Variants in LRRTM4 observed in about 807,000 individuals in gnomAD.
The protein encoded by LRRTM4 is leucine-rich repeat transmembrane neuronal protein 4.
Under a neutral mutation model 47.6 loss-of-function variants are expected in LRRTM4, and 25 were observed. That is an observed-to-expected ratio of 0.53 (90% CI 0.38 to 0.73). The LOEUF (loss-of-function observed/expected upper bound fraction) is 0.73, where lower values mean the gene tolerates loss of function less well. Ranked by LOEUF, LRRTM4 falls within the 30% of genes least tolerant of loss-of-function variation. The pLI, the probability that LRRTM4 is intolerant of heterozygous loss-of-function variation, is 0.00. For synonymous variants in LRRTM4, 311 were observed against 269.5 expected (o/e 1.15, Z -1.51); for missense variants, 638 against 713.4 (o/e 0.89, Z 1.20).
chr2:77,350,459 T>C (rs1671726617), intron 3 of LRRTM4, among the ~76,000 whole-genome samples: 1 of 151,866 alleles, frequency 6.6e-6, no homozygotes, highest in Admixed American at 6.6e-5. Flanking sequence ...TTTCTAAAAT[T>C]TCTTCTAGAA....
intron 3 of LRRTM4, among the ~76,000 whole-genome samples, chr2:76,794,370 T>A (rs1558657244): frequency 6.6e-6 from 1 of 152,178 alleles, no homozygotes; most frequent in South Asian, 2.1e-4. Flanking sequence ...AAACAAAGGA[T>A]TGGGTATACC....
intron 3 of LRRTM4, among the ~76,000 whole-genome samples, chr2:76,842,370 A>C (rs1668356496): frequency 6.6e-6 from 1 of 152,210 alleles, no homozygotes; most frequent in Admixed American, 6.5e-5. Flanking sequence ...CATGTAAGTC[A>C]ATAGCTTATA....
At chr2:76,936,149 T>A (rs1674937928) in intron 3 of LRRTM4, among the ~76,000 whole-genome samples, 1 of 152,192 alleles carries the variant, frequency 6.6e-6, no homozygotes, top group Admixed American at 6.5e-5. Context: ...GTATGTTTAT[T>A]GTGGCACTGT....
chr2:77,202,659 G>A (rs753428822), intron 3 of LRRTM4, among the ~76,000 whole-genome samples: 3 of 151,616 alleles, frequency 2.0e-5, no homozygotes, highest in Non-Finnish European at 4.4e-5. Context: ...AACTCACTGT[G>A]CTATACTAGA....
chr2:76,823,908 T>C (rs1161145266), intron 3 of LRRTM4, among the ~76,000 whole-genome samples: 1 of 151,570 alleles, frequency 6.6e-6, no homozygotes, highest in East Asian at 1.9e-4. Flanking sequence ...TAATACATGA[T>C]GCATGTCTTG....
intron 3 of LRRTM4, among the ~76,000 whole-genome samples, chr2:76,944,130 T>G (rs1675246513): frequency 6.6e-6 from 1 of 152,276 alleles, no homozygotes; most frequent in South Asian, 2.1e-4. Context: ...CTCACATCTC[T>G]TCTTACTCTA....
chr2:76,995,917 T>C (rs1306263594), intron 3 of LRRTM4, among the ~76,000 whole-genome samples: 1 of 152,064 alleles, frequency 6.6e-6, no homozygotes, highest in Non-Finnish European at 1.5e-5. Flanking sequence ...AAAAAACTAG[T>C]AACTTAAGAA....
chr2:77,171,187 C>T (rs982266596), intron 3 of LRRTM4, among the ~76,000 whole-genome samples: 10 of 152,006 alleles, frequency 6.6e-5, no homozygotes, highest in Non-Finnish European at 7.4e-5. Flanking sequence ...TGGAAAGCAA[C>T]GAGATTTAGC....
chr2:76,786,003 T>C (rs1674651491), intron 3 of LRRTM4, among the ~76,000 whole-genome samples: 1 of 152,152 alleles, frequency 6.6e-6, no homozygotes, highest in African/African-American at 2.4e-5. Context: ...AACTCAATGA[T>C]ACCTAGCTGC....
At chr2:77,442,418 AAAG>A (rs1489195035) in intron 3 of LRRTM4, among the ~76,000 whole-genome samples, 14 of 152,174 alleles carry the variant, frequency 9.2e-5, no homozygotes, top group African/African-American at 2.4e-4. Flanking sequence ...ATTTAGATAA[AAAG>A]AAGAATACAT....
chr2:77,257,339 GA>G (rs367643977), intron 3 of LRRTM4, among the ~76,000 whole-genome samples: 342 of 151,372 alleles, frequency 2.3e-3, no homozygotes, highest in African/African-American at 8.0e-3. Flanking sequence ...ATAAATACAT[GA>G]TTTCAAAAAG....
intron 3 of LRRTM4, among the ~76,000 whole-genome samples, chr2:77,291,850 C>G (rs1676832220): frequency 6.6e-6 from 1 of 152,150 alleles, no homozygotes; most frequent in Non-Finnish European, 1.5e-5. Context: ...AAACTGGGAT[C>G]TAATTAAACT....
intron 3 of LRRTM4, among the ~76,000 whole-genome samples, chr2:77,299,885 G>T (rs185864822): frequency 1.6e-5 from 2 of 128,568 alleles, no homozygotes; most frequent in African/African-American, 3.0e-5. Flanking sequence ...ACGGGGTCTC[G>T]TTCTTTGCCA....
At position 76,908,709 on chromosome 2, in the gene LRRTM4, A is replaced by C. The variant is rs577026714; in HGVS notation, c.1552-159793T>G. On this transcript the variant is annotated intron_variant, in intron 3 of 3. Coordinates refer to ENST00000409884, the MANE Select transcript of LRRTM4 (RefSeq NM_001134745.3). ...TCTTATACACCAATAAGAGACAAAC[A>C]GAGAGCCAAATCATGAGTGAACTCC... Among the ~76,000 whole-genome samples the C allele has an allele frequency of 3.0e-4, 46 of 152,284 alleles. No individual in the cohort carries two copies. The South Asian group carries it at 9.1e-3, about 30-fold the overall frequency.
intron 3 of LRRTM4, among the ~76,000 whole-genome samples, chr2:76,851,778 C>CTTTTT (rs1672005068): frequency 1.1e-5 from 1 of 87,348 alleles, no homozygotes. Flanking sequence ...TTTTTTTTGA[C>CTTTTT]ATTCTCTTTA....
intron 3 of LRRTM4, among the ~76,000 whole-genome samples, chr2:76,854,103 C>T (rs923418630): frequency 1.1e-4 from 17 of 152,148 alleles, no homozygotes; most frequent in East Asian, 7.7e-4. Flanking sequence ...TTCCTGGCAA[C>T]GAATTCTTGA....
chr2:77,324,496 C>T (rs1035047378), intron 3 of LRRTM4, among the ~76,000 whole-genome samples: 16 of 151,924 alleles, frequency 1.1e-4, no homozygotes, highest in African/African-American at 2.2e-4. Flanking sequence ...TTCCCCTAAA[C>T]GCTTTTCTAG....
intron 3 of LRRTM4, among the ~76,000 whole-genome samples, chr2:77,186,221 C>G (rs191456363): frequency 6.6e-6 from 1 of 152,308 alleles, no homozygotes; most frequent in East Asian, 1.9e-4. Flanking sequence ...ATGTCCACAT[C>G]CAATCTTTCT....
chr2:76,807,382 T>TTATA (rs72365054), intron 3 of LRRTM4, among the ~76,000 whole-genome samples: 10,501 of 126,666 alleles, frequency 0.083, 846 homozygotes, highest in Middle Eastern at 0.18. Context: ...AACATTCATT[T>TTATA]TATATATATA....
Sources: allele counts gnomAD v4.1 joint callset (sites outside exome capture counted in the v4.1 genomes callset), GRCh38; gene constraint gnomAD v4.1.1; transcripts MANE v1.5; gene names NCBI Gene and HGNC (gene_info 2026-07-23, HGNC 2026-07-21).